The following MAML2 variants were observed in gnomAD, a reference collection of about 807,000 sequenced individuals.
MAML2 encodes mastermind like transcriptional coactivator 2, also known as mastermind-like protein 2.
MAML2 carries 22 observed loss-of-function variants against 96.1 expected under a neutral mutation model. The ratio of observed to expected loss-of-function variants is 0.23; its 90% confidence interval spans 0.16 to 0.33. The LOEUF is 0.33. MAML2 is among the 10% of genes least tolerant of loss of function. The pLI, the probability that MAML2 is intolerant of heterozygous loss-of-function variation, is 1.00. For synonymous variants in MAML2, 561 were observed against 521.3 expected, an observed-to-expected ratio of 1.08 and a Z score of -1.04; for missense variants, 1,367 against 1,392.4, an observed-to-expected ratio of 0.98 and a Z score of 0.29.
At chr11:96,070,794 T>C (rs77460530) in intron 2 of MAML2, among the ~76,000 whole-genome samples, 3,026 of 152,366 alleles carry the variant, frequency 0.02, 91 homozygotes, top group African/African-American at 0.068. Context: ...GGCCAGAGGT[T>C]TCAGGCCTGA....
At chr11:96,025,547 G>A (rs1348495864) in intron 2 of MAML2, among the ~76,000 whole-genome samples, 1 of 152,118 alleles carries the variant, frequency 6.6e-6, no homozygotes, top group South Asian at 2.1e-4. Context: ...TAAAATAAAA[G>A]TGTAAATTAT....
At chr11:96,059,464 T>C (rs1859120145) in intron 2 of MAML2, among the ~76,000 whole-genome samples, 1 of 152,148 alleles carries the variant, frequency 6.6e-6, no homozygotes, top group Non-Finnish European at 1.5e-5. Context: ...TATGATAAAT[T>C]GTAAGGTTGA....
rs569539265 is a variant in MAML2 at position 96,270,472 on chromosome 11, G to C, written c.513+70911C>G. Among the ~76,000 whole-genome samples the C allele has an allele frequency of 2.6e-5, 4 of 152,140 alleles. No homozygotes were observed. In the South Asian group the frequency reaches 8.3e-4, roughly 32 times the overall value. On this transcript the variant is annotated intron_variant, in intron 1 of 4. Coordinates refer to ENST00000524717, the MANE Select transcript of MAML2 (RefSeq NM_032427.4). ...TTACAGACGGGTGCCACCACACCTG[G>C]TTATTTTTTTGTATTTTTAGTAGAT...
chr11:96,209,410 G>T (rs1348827652), intron 1 of MAML2, among the ~76,000 whole-genome samples: 2 of 152,092 alleles, frequency 1.3e-5, no homozygotes, highest in Non-Finnish European at 2.9e-5. Flanking sequence ...GGCCGAGGTA[G>T]GTGGATCACT....
chr11:96,194,322 C>T (rs906210168), intron 1 of MAML2, among the ~76,000 whole-genome samples: 8 of 152,264 alleles, frequency 5.3e-5, no homozygotes, highest in African/African-American at 1.9e-4. Context: ...ACTGTGTATA[C>T]ATAGTTGAAG....
At chr11:96,072,703 G>A (rs946689073) in intron 2 of MAML2, among the ~76,000 whole-genome samples, 1 of 152,166 alleles carries the variant, frequency 6.6e-6, no homozygotes, top group Non-Finnish European at 1.5e-5. Flanking sequence ...TCATTTTAAG[G>A]ACGGATTGAT....
chr11:96,018,869 G>A (rs1354701787), intron 2 of MAML2, among the ~76,000 whole-genome samples: 3 of 152,334 alleles, frequency 2.0e-5, no homozygotes, highest in Non-Finnish European at 2.9e-5. Flanking sequence ...GATTACTGGT[G>A]TGAGCCACGG....
At chr11:96,043,393 T>C (rs1285266158) in intron 2 of MAML2, among the ~76,000 whole-genome samples, 2 of 152,110 alleles carry the variant, frequency 1.3e-5, no homozygotes, top group African/African-American at 4.8e-5. Context: ...TAAAGAAGCC[T>C]TATAAAAGTT....
At chr11:96,251,195 G>A (rs1034305153) in intron 1 of MAML2, among the ~76,000 whole-genome samples, 16 of 152,134 alleles carry the variant, frequency 1.1e-4, no homozygotes, top group Non-Finnish European at 2.1e-4. Context: ...ATCATGTCCC[G>A]CAAAATGTTG....
At chr11:95,986,455 C>T (rs1429407924) in intron 3 of MAML2, among the ~76,000 whole-genome samples, 4 of 152,054 alleles carry the variant, frequency 2.6e-5, no homozygotes, top group African/African-American at 9.7e-5. Flanking sequence ...CCAGCTCAGC[C>T]TCCCAGAGTG....
chr11:96,316,880 G>A (rs1473495615), intron 1 of MAML2, among the ~76,000 whole-genome samples: 4 of 151,972 alleles, frequency 2.6e-5, no homozygotes, highest in Non-Finnish European at 5.9e-5. Context: ...TTCAAGCTAT[G>A]CTTTGAAGAT....
At position 96,170,135 on chromosome 11, in the gene MAML2, A is replaced by G. The variant is rs145763879; in HGVS notation, c.514-76618T>C. ...GTCCCTTTCCACTGGTTCAGGGCAC[A>G]TCATGTGCTACAGTGCACCTGCCCA... On this transcript the variant is annotated intron_variant, in intron 1 of 4. Coordinates refer to ENST00000524717, the MANE Select transcript of MAML2 (RefSeq NM_032427.4). Among the ~76,000 whole-genome samples, 611 of 152,308 alleles carry G rather than the reference A, an allele frequency of 4.0e-3. 4 individuals carry two copies. The highest frequency in any genetic ancestry group is 0.014 in the African/African-American group (566 of 41,564).
chr11:96,064,714 G>A (rs1028235178), intron 2 of MAML2, among the ~76,000 whole-genome samples: 4 of 152,228 alleles, frequency 2.6e-5, no homozygotes, highest in African/African-American at 9.6e-5. Context: ...ACTTCAGTGT[G>A]TCATAAAATG....
At chr11:96,291,596 G>C (rs1197758630) in intron 1 of MAML2, among the ~76,000 whole-genome samples, 1 of 152,120 alleles carries the variant, frequency 6.6e-6, no homozygotes, top group African/African-American at 2.4e-5. Flanking sequence ...ATTTTCTCTT[G>C]TATTGGTATT....
chr11:96,050,096 C>A (rs1858967245), intron 2 of MAML2, among the ~76,000 whole-genome samples: 1 of 152,102 alleles, frequency 6.6e-6, no homozygotes, highest in African/African-American at 2.4e-5. Context: ...CTCAAAACAA[C>A]CCAGTAAGGA....
At chr11:96,203,277 C>T (rs1565247557) in intron 1 of MAML2, among the ~76,000 whole-genome samples, 1 of 152,200 alleles carries the variant, frequency 6.6e-6, no homozygotes, top group Non-Finnish European at 1.5e-5. Context: ...GGACAATTAC[C>T]TGAATTAATA....
At chr11:96,295,252 G>A (rs1443791119) in intron 1 of MAML2, among the ~76,000 whole-genome samples, 1 of 152,060 alleles carries the variant, frequency 6.6e-6, no homozygotes, top group East Asian at 1.9e-4. Flanking sequence ...GAGCTTTGAA[G>A]AGTAATTAAA....
intron 1 of MAML2, among the ~76,000 whole-genome samples, chr11:96,222,349 G>A (rs1409754598): frequency 6.6e-6 from 1 of 152,180 alleles, no homozygotes; most frequent in African/African-American, 2.4e-5. Flanking sequence ...AACACTCACT[G>A]TTGTCAGTAG....
intron 1 of MAML2, among the ~76,000 whole-genome samples, chr11:96,158,837 A>G (rs1012527796): frequency 6.6e-6 from 1 of 152,190 alleles, no homozygotes; most frequent in Admixed American, 6.5e-5. Context: ...ACCTTTCAGG[A>G]AAGGACATAA....
Sources: allele counts gnomAD v4.1 joint callset (sites outside exome capture counted in the v4.1 genomes callset), GRCh38; gene constraint gnomAD v4.1.1; transcripts MANE v1.5; gene names NCBI Gene and HGNC (gene_info 2026-07-23, HGNC 2026-07-21).